The following PLSCR2 variants were observed in gnomAD, a reference collection of about 807,000 sequenced individuals.
The protein encoded by PLSCR2 is phospholipid scramblase 2, also known as PL scramblase 2.
PLSCR2 carries 18 observed loss-of-function variants against 25.3 expected under a neutral mutation model. The observed-to-expected ratio is 0.71, with a 90% CI of 0.49 to 1.06. The LOEUF (loss-of-function observed/expected upper bound fraction) is 1.06. Among genes scored for constraint, PLSCR2 ranks in the 50% least tolerant of loss-of-function variants. The pLI is 0.00. For missense variants in PLSCR2, 243 were observed against 269.5 expected (o/e 0.90, Z 0.69); for synonymous variants, 88 against 87.3 (o/e 1.01, Z -0.04).
intron 1 of PLSCR2, among the ~76,000 whole-genome samples, chr3:146,474,595 C>G (rs1470016161): frequency 6.6e-6 from 1 of 152,006 alleles, no homozygotes; most frequent in Non-Finnish European, 1.5e-5. Context: ...CTGGGAGAAT[C>G]TGATGATTAT....
intron 1 of PLSCR2, among the ~76,000 whole-genome samples, chr3:146,476,327 G>T (rs2042282535): frequency 6.6e-6 from 1 of 152,214 alleles, no homozygotes. Flanking sequence ...GCCAAGGGAG[G>T]CGCTGAGTGT....
At chr3:146,438,408 T>C (rs1314789678), downstream of PLSCR2, among the ~76,000 whole-genome samples, 1 of 152,218 alleles carries the variant, frequency 6.6e-6, no homozygotes, top group Non-Finnish European at 1.5e-5. Flanking sequence ...TGTGGGAGTC[T>C]AAGTCTCTTT....
At chr3:146,398,634 A>C (rs531254697) in intron 2 of PLSCR2, 1 of 151,758 alleles carries the variant, frequency 6.6e-6, no homozygotes, top group Non-Finnish European at 1.5e-5. Context: ...TTTTAATATG[A>C]TATTACAACT....
intron 3 of PLSCR2, among the ~76,000 whole-genome samples, chr3:146,394,524 C>A (rs2038208468): frequency 6.6e-6 from 1 of 152,118 alleles, no homozygotes; most frequent in African/African-American, 2.4e-5. Flanking sequence ...CCTCGCCCTC[C>A]CAAAGTGCTG....
At chr3:146,477,132 T>C (rs2042315679) in intron 1 of PLSCR2, among the ~76,000 whole-genome samples, 1 of 152,122 alleles carries the variant, frequency 6.6e-6, no homozygotes, top group Admixed American at 6.5e-5. Flanking sequence ...GATGGCCAAA[T>C]AGGAACAGCT....
chr3:146,424,904 G>A (rs2108091832), intron 2 of PLSCR2, among the ~76,000 whole-genome samples: 1 of 152,156 alleles, frequency 6.6e-6, no homozygotes, highest in African/African-American at 2.4e-5. Context: ...ATACAGATAT[G>A]ATAAAGAGAA....
chr3:146,489,038 C>T (rs934959216), intron 1 of PLSCR2, among the ~76,000 whole-genome samples: 1 of 152,042 alleles, frequency 6.6e-6, no homozygotes, highest in Admixed American at 6.6e-5. Flanking sequence ...GAGCTGGAAG[C>T]CATCATTCTC....
downstream of PLSCR2, among the ~76,000 whole-genome samples, chr3:146,436,953 A>G (rs148957384): frequency 4.0e-4 from 61 of 152,262 alleles, no homozygotes; most frequent in East Asian, 9.3e-3. Flanking sequence ...CATCCCATCA[A>G]TATCTAGTTT....
exon 1 of PLSCR2, chr3:146,460,266 C>G: frequency 1.7e-5 from 23 of 1,344,386 alleles, no homozygotes; most frequent in Non-Finnish European, 1.8e-5. Flanking sequence ...ACATTCACTT[C>G]TATTTTGAGG....
chr3:146,461,749 G>A (rs6440440), upstream of PLSCR2: 10 of 694,944 alleles, frequency 1.4e-5, no homozygotes, highest in Non-Finnish European at 2.6e-5. Context: ...ATGCATGGTT[G>A]TCACCAAAGC....
chr3:146,424,385 T>G (rs1200852826), intron 2 of PLSCR2, among the ~76,000 whole-genome samples: 2 of 152,100 alleles, frequency 1.3e-5, no homozygotes, highest in Non-Finnish European at 2.9e-5. Flanking sequence ...ACAGTCACAT[T>G]GCGGGTTTGG....
chr3:146,470,741 G>C (rs2042085689), intron 1 of PLSCR2, among the ~76,000 whole-genome samples: 1 of 152,148 alleles, frequency 6.6e-6, no homozygotes, highest in Admixed American at 6.5e-5. Context: ...GGAAGGTGGA[G>C]AAAGAAATTG....
intron 1 of PLSCR2, among the ~76,000 whole-genome samples, chr3:146,481,293 A>G (rs1440854621): frequency 3.3e-5 from 5 of 152,152 alleles, no homozygotes; most frequent in Non-Finnish European, 7.4e-5. Context: ...AAGTCAAATT[A>G]TCCCTGTTTG....
downstream of PLSCR2, among the ~76,000 whole-genome samples, chr3:146,441,180 G>A (rs1166420458): frequency 6.6e-6 from 1 of 151,844 alleles, no homozygotes; most frequent in East Asian, 1.9e-4. Context: ...CTTTTCTGAA[G>A]ATTAAAAAAT....
chr3:146,453,971 C>T (rs113741159), intron 5 of PLSCR2, 31 bp downstream of exon 5: 2 of 1,517,010 alleles, frequency 1.3e-6, no homozygotes, highest in East Asian at 2.4e-5. Context: ...ATTAAAAAAG[C>T]AAATCCTATA....
At chr3:146,472,673 TCTCACAAAGGCCCCAC>T (rs1178871130) in intron 1 of PLSCR2, among the ~76,000 whole-genome samples, 1 of 152,200 alleles carries the variant, frequency 6.6e-6, no homozygotes, top group Non-Finnish European at 1.5e-5. Context: ...CGTGACCTAA[TCTCACAAAGGCCCCAC>T]CTCCTAATAT....
intron 1 of PLSCR2, among the ~76,000 whole-genome samples, chr3:146,479,683 A>G (rs1345209315): frequency 6.6e-6 from 1 of 152,210 alleles, no homozygotes; most frequent in East Asian, 1.9e-4. Context: ...TCAATGAGAC[A>G]GAATGTTAGC....
intron 4 of PLSCR2, 78 bp from the exon 5 acceptor site, chr3:146,454,241 A>G (rs1163124674): frequency 9.8e-7 from 1 of 1,024,492 alleles, no homozygotes; most frequent in Non-Finnish European, 1.4e-6. Context: ...TTTACTGAGC[A>G]TTTCCTAAGT....
intron 1 of PLSCR2, among the ~76,000 whole-genome samples, chr3:146,472,790 C>G (rs2042162019): frequency 6.6e-6 from 1 of 152,160 alleles, no homozygotes; most frequent in African/African-American, 2.4e-5. Context: ...CCTGTTGCAA[C>G]AGCAAAATGG....
Sources: allele counts gnomAD v4.1 joint callset (sites outside exome capture counted in the v4.1 genomes callset), GRCh38; gene constraint gnomAD v4.1.1; transcripts MANE v1.5; gene names NCBI Gene and HGNC (gene_info 2026-07-23, HGNC 2026-07-21).